ASPRV1: variants seen among roughly 807,000 people sequenced by gnomAD.
The protein encoded by ASPRV1 is aspartic peptidase retroviral like 1, also known as retroviral-like aspartic protease 1.
Under a neutral mutation model 11.0 loss-of-function variants are expected in ASPRV1, and 7 were observed. The ratio of observed to expected loss-of-function variants is 0.64; its 90% confidence interval spans 0.36 to 1.20. The LOEUF is 1.20. Among genes scored for constraint, ASPRV1 ranks in the 50% most tolerant of loss-of-function variants. The pLI is 0.02. For missense variants in ASPRV1, 299 were observed against 320.0 expected (o/e 0.93, Z 0.50); for synonymous variants, 136 against 138.4 (o/e 0.98, Z 0.12).
chr2:70,086,823 A>C, the ASPRV1 span, among the ~76,000 whole-genome samples: 2 of 152,236 alleles, frequency 1.3e-5, no homozygotes, highest in African/African-American at 4.8e-5. Context: ...CACGCCCCAC[A>C]AACAGCAGAG....
chr2:70,065,819 C>CAAAAAAAAAAAAAAAAAAAAAAAGAAAA, the ASPRV1 span, among the ~76,000 whole-genome samples: 1 of 67,448 alleles, frequency 1.5e-5, no homozygotes, highest in Non-Finnish European at 2.6e-5. Flanking sequence ...GCTTTTGACT[C>CAAAAAAAAAAAAAAAAAAAAAAAGAAAA]AAAAAAAAAA....
the ASPRV1 span, among the ~76,000 whole-genome samples, chr2:69,951,632 G>A: frequency 2.2e-4 from 33 of 150,818 alleles, no homozygotes; most frequent in Non-Finnish European, 3.5e-4. Flanking sequence ...ACTGACCAAC[G>A]TTTCTGCTTT....
chr2:70,068,829 C>T, the ASPRV1 span, among the ~76,000 whole-genome samples: 2 of 150,842 alleles, frequency 1.3e-5, no homozygotes, highest in Admixed American at 1.3e-4. Context: ...CCTATAATCC[C>T]AGCTACTCAG....
upstream of ASPRV1, chr2:69,962,955 G>C (rs1678185140): frequency 3.4e-6 from 1 of 293,746 alleles, no homozygotes; most frequent in Non-Finnish European, 6.9e-6. Context: ...TTAAGGATGG[G>C]AGAGGAGGAA....
the ASPRV1 span, among the ~76,000 whole-genome samples, chr2:69,946,857 G>C: frequency 6.6e-6 from 1 of 152,144 alleles, no homozygotes; most frequent in Non-Finnish European, 1.5e-5. Flanking sequence ...CTGTTCGGAA[G>C]GTCAAAACGA....
the ASPRV1 span, chr2:69,939,451 G>A: frequency 2.0e-5 from 3 of 152,544 alleles, no homozygotes; most frequent in Non-Finnish European, 2.9e-5. Flanking sequence ...CGACTTTGTA[G>A]CATTTTTATT....
At chr2:69,966,809 C>T in the ASPRV1 span, among the ~76,000 whole-genome samples, 5 of 152,272 alleles carry the variant, frequency 3.3e-5, no homozygotes, top group South Asian at 6.2e-4. Flanking sequence ...ATCCTCAGCA[C>T]AGGAAGTTGT....
the ASPRV1 span, among the ~76,000 whole-genome samples, chr2:70,037,980 A>C: frequency 6.6e-6 from 1 of 152,024 alleles, no homozygotes; most frequent in African/African-American, 2.4e-5. Flanking sequence ...TGGATTTTCT[A>C]ATCTATTGTG....
the ASPRV1 span, among the ~76,000 whole-genome samples, chr2:69,935,874 A>T: frequency 6.6e-6 from 1 of 152,106 alleles, no homozygotes; most frequent in Non-Finnish European, 1.5e-5. Flanking sequence ...GCTTCCTGAG[A>T]ACAGTCCTTC....
chr2:70,068,853 G>C, the ASPRV1 span, among the ~76,000 whole-genome samples: 1 of 148,702 alleles, frequency 6.7e-6, no homozygotes, highest in Non-Finnish European at 1.5e-5. Flanking sequence ...GTTGAGGCAG[G>C]AGAATCACTT....
the ASPRV1 span, among the ~76,000 whole-genome samples, chr2:69,972,749 C>G: frequency 6.6e-6 from 1 of 152,154 alleles, no homozygotes; most frequent in African/African-American, 2.4e-5. Context: ...ACTGACTACT[C>G]TACTCAGGCC....
At chr2:70,037,015 G>C in the ASPRV1 span, among the ~76,000 whole-genome samples, 1 of 152,108 alleles carries the variant, frequency 6.6e-6, no homozygotes, top group East Asian at 1.9e-4. Flanking sequence ...CCTGTCAAAG[G>C]TGCCAAATCT....
the ASPRV1 span, chr2:70,086,989 G>GCCTCGCCTCGCCGC: frequency 6.6e-6 from 1 of 152,238 alleles, no homozygotes; most frequent in African/African-American, 2.4e-5. Context: ...CGCTCCGCAG[G>GCCTCGCCTCGCCGC]CCTCGCCTCG....
chr2:69,998,943 A>G, the ASPRV1 span, among the ~76,000 whole-genome samples: 1 of 152,190 alleles, frequency 6.6e-6, no homozygotes, highest in African/African-American at 2.4e-5. Context: ...GAGCCATAGC[A>G]GTAACAGCAG....
chr2:69,946,765 G>C, the ASPRV1 span, among the ~76,000 whole-genome samples: 2 of 152,192 alleles, frequency 1.3e-5, no homozygotes, highest in East Asian at 3.9e-4. Flanking sequence ...CCGAAAGGGG[G>C]AGCAGAGGGT....
the ASPRV1 span, among the ~76,000 whole-genome samples, chr2:69,945,800 G>T: frequency 1.3e-5 from 2 of 152,232 alleles, no homozygotes; most frequent in Non-Finnish European, 2.9e-5. Flanking sequence ...CGGGTGGACT[G>T]GGGGTATTGG....
chr2:69,951,502 T>TAC, the ASPRV1 span, among the ~76,000 whole-genome samples: 36 of 145,186 alleles, frequency 2.5e-4, no homozygotes, highest in Non-Finnish European at 4.9e-4. Context: ...TATGTATATT[T>TAC]ATATATATAG....
the ASPRV1 span, chr2:70,075,189 A>C: frequency 1.3e-5 from 2 of 148,924 alleles, no homozygotes; most frequent in African/African-American, 4.9e-5. Flanking sequence ...GCTCACTGCA[A>C]TCTCCGCCTC....
At chr2:69,979,401 C>T in the ASPRV1 span, among the ~76,000 whole-genome samples, 1 of 152,170 alleles carries the variant, frequency 6.6e-6, no homozygotes, top group African/African-American at 2.4e-5. Context: ...CTCTTTGTTT[C>T]AGTGTCTGGG....
Sources: allele counts gnomAD v4.1 joint callset (sites outside exome capture counted in the v4.1 genomes callset), GRCh38; gene constraint gnomAD v4.1.1; transcripts MANE v1.5; gene names NCBI Gene and HGNC (gene_info 2026-07-23, HGNC 2026-07-21).